The following EXOC3 variants were observed in gnomAD, a reference collection of about 807,000 sequenced individuals.
EXOC3 encodes the protein exocyst complex component 3.
Under a neutral mutation model 73.7 loss-of-function variants are expected in EXOC3, and 21 were observed. The ratio of observed to expected loss-of-function variants is 0.29; its 90% CI spans 0.20 to 0.41. EXOC3 has a LOEUF of 0.41. Ranked by LOEUF, EXOC3 falls within the 10% of genes least tolerant of loss-of-function variation. EXOC3 has a pLI of 1.00. For synonymous variants in EXOC3, 410 were observed against 389.1 expected, an observed-to-expected ratio of 1.05 and a Z score of -0.63; for missense variants, 842 against 985.1, an observed-to-expected ratio of 0.85 and a Z score of 1.95.
Position 466,915 on chromosome 5 carries a change from C to T in EXOC3, c.*17C>T, listed in dbSNP as rs1051152893. ...CTCAAGTAGCCTCCGCCGGCCTGCCCTGCTCGCCCCTCCACAGCCTCGGTC... is the reference window on the plus strand; with the variant it reads ...CTCAAGTAGCCTCCGCCGGCCTGCCTTGCTCGCCCCTCCACAGCCTCGGTC... On this transcript the variant is annotated 3_prime_UTR_variant, in exon 13 of 13. Coordinates refer to ENST00000512944, the MANE Select transcript of EXOC3 (RefSeq NM_007277.5). The T allele has an allele frequency of 3.2e-6, 5 of 1,578,248 alleles. No individual in the cohort carries two copies. Among genetic ancestry groups the T allele is most frequent in the Non-Finnish European group, 4.3e-6 (5 of 1,162,022 alleles).
At chr5:459,581 T>A in intron 7 of EXOC3, 122 bp downstream of exon 7, 1 of 556,838 alleles carries the variant, frequency 1.8e-6, no homozygotes. Flanking sequence ...ATTCCCCACG[T>A]GTCACTCCTG....
intron 3 of EXOC3, 53 bp downstream of exon 3, chr5:447,805 C>A: frequency 7.8e-7 from 1 of 1,281,808 alleles, no homozygotes. Flanking sequence ...CTTTGCATGA[C>A]TCACTGAGTG....
In EXOC3 at chr5:453,868, A is replaced by G; in HGVS notation, c.863A>G (p.Asp288Gly). ...GAAATTATAAGGAAGTACGTCCTGG[A>G]TGACCTCATTGTCGCCAAAAACCTG... ...HLEIIRKYVL[D>G]DLIVAKNLMV... Residue 288 changes from aspartate to glycine, a missense_variant, in exon 4 of 13, where the codon GAT becomes GGT. Physicochemically the swap from Asp to Gly is moderately conservative, Grantham distance 94. Transcript: ENST00000512944. 7.4e-6 allele frequency: 12 copies of G among 1,613,870 alleles called. No homozygotes were observed. Among genetic ancestry groups the G allele is most frequent in the Non-Finnish European group, 9.3e-6 (11 of 1,179,900 alleles).
At chr5:449,196 T>C (rs1263710342) in intron 3 of EXOC3, among the ~76,000 whole-genome samples, 1 of 152,250 alleles carries the variant, frequency 6.6e-6, no homozygotes, top group African/African-American at 2.4e-5. Flanking sequence ...TAAATTTTCA[T>C]TGAGAAGATT....
intron 3 of EXOC3, among the ~76,000 whole-genome samples, chr5:448,856 C>T (rs942447879): frequency 3.9e-5 from 6 of 152,234 alleles, no homozygotes; most frequent in African/African-American, 1.4e-4. Flanking sequence ...ACATGTGTGG[C>T]TGCAGTCCGT....
rs142760302 is a variant in EXOC3, at chr5:466,613, C to T, written c.2067-114C>T. ...AGGGAAAGGTGCAATTTGTCTGCAG[C>T]GGTCCTCACCCCCTGTGTTCTGTCA... On this transcript the variant is annotated intron_variant, in intron 12 of 12. Transcript: ENST00000512944. 982 of 969,614 alleles carry T rather than the reference C, an allele frequency of 1.0e-3. 14 individuals are homozygous for T. In the East Asian group the frequency reaches 0.024, roughly 23 times the overall value. 60.1% of individuals were successfully genotyped at this position (969,614 alleles called of 1,614,324 possible).
In EXOC3 at chr5:453,476, C is replaced by T. The variant is rs527540101; in HGVS notation, c.471C>T (p.Tyr157=). The part of the protein sequence containing the change: ...DLECSRDGLM[Y]EQYRMDSGNT... Reference sequence around the variant, plus strand: ...AGTGCTCCCGGGACGGGCTGATGTACGAGCAGTACCGCATGGACAGTGGGA... The same window carrying T: ...AGTGCTCCCGGGACGGGCTGATGTATGAGCAGTACCGCATGGACAGTGGGA... Residue 157 remains tyrosine, a synonymous_variant, in exon 4 of 13, where the codon TAC becomes TAT. Transcript: ENST00000512944. 8 of 1,613,734 alleles carry T rather than the reference C, an allele frequency of 5.0e-6. No individual in the cohort carries two copies. The highest frequency in any genetic ancestry group is 2.2e-5 in the South Asian group (2 of 91,038).
At chr5:462,115 C>T (rs1194155564) in intron 8 of EXOC3, 42 bp from the exon 9 acceptor site, 1 of 1,605,914 alleles carries the variant, frequency 6.2e-7, no homozygotes, top group South Asian at 1.1e-5. Context: ...TGGAGGCCGG[C>T]CTGCCCAGCC....
intron 3 of EXOC3, among the ~76,000 whole-genome samples, chr5:451,135 A>ATT (rs36111924): frequency 6.6e-6 from 1 of 151,780 alleles, no homozygotes; most frequent in Admixed American, 6.6e-5. Context: ...TTATTTCTGC[A>ATT]TTTTTTTTGT....
In EXOC3 at chr5:464,239, T is replaced by C. The variant is rs1370817528; in HGVS notation, c.1654-51T>C. 19 of 1,585,578 alleles carry C rather than the reference T, an allele frequency of 1.2e-5. No individual in the cohort carries two copies. The South Asian group carries it at 1.2e-4, about 10-fold the overall frequency. ...TGCCTCCCTCCCACATGCACTCGGC[T>C]CTCGTGGGACGTTGAGGTGATGATT... On this transcript the variant is annotated intron_variant, in intron 9 of 12. Transcript: ENST00000512944.
chr5:453,522 A>G lies in EXOC3; in HGVS notation c.517A>G (p.Ile173Val), dbSNP rs2126577802. The G allele has an allele frequency of 6.2e-7, 1 of 1,614,020 alleles. No individual in the cohort carries two copies. The highest frequency in any genetic ancestry group is 1.1e-5 in the South Asian group (1 of 91,084). The change falls in exon 4 of 13, where the codon ATC becomes GTC. Residue 173 changes from isoleucine to valine, a missense_variant. By Grantham distance (29) the Ile-to-Val change is conservative. Transcript: ENST00000512944. The part of the protein sequence containing the change: ...DSGNTRDMTL[I>V]HGYFGSTQGL... ...TGGGAACACGCGTGACATGACCCTC[A>G]TCCATGGCTACTTTGGCAGCACGCA...
In EXOC3 at chr5:453,632, G is replaced by T. The variant is rs993667479; in HGVS notation, c.627G>T (p.Leu209=). 1.9e-6 allele frequency: 3 copies of T among 1,613,882 alleles called. No homozygotes were observed. Among genetic ancestry groups the T allele is most frequent in the Non-Finnish European group, 2.5e-6 (3 of 1,179,910 alleles). ...CTGTCCGCCGTGACCCCACCTTGCT[G>T]GTCTCAGTTGTCAGGATCATTGAAA... ...LVTVRRDPTL[L]VSVVRIIERE... is the part of the protein sequence containing the mutation. The change falls in exon 4 of 13, where the codon CTG becomes CTT. Residue 209 remains leucine, a synonymous_variant. Transcript: ENST00000512944.
intron 5 of EXOC3, chr5:457,390 G>A (rs1010070186): frequency 3.7e-6 from 1 of 269,018 alleles, no homozygotes; most frequent in African/African-American, 2.2e-5. Context: ...ACCACCAGGT[G>A]GTCTCAGAGT....
intron 7 of EXOC3, chr5:461,703 G>A (rs1300983314): frequency 2.1e-6 from 1 of 476,776 alleles, no homozygotes; most frequent in African/African-American, 2.0e-5. Context: ...CTGGGCTCAG[G>A]TGGTCTCCCT....
At chr5:454,122 G>A (rs1579737623) in intron 4 of EXOC3, 71 bp downstream of exon 4, 8 of 1,323,464 alleles carry the variant, frequency 6.0e-6, no homozygotes, top group Non-Finnish European at 8.2e-6. Flanking sequence ...GCAGCTGCTT[G>A]CTGGAGAGCC....
At chr5:464,155 G>A (rs1015941453) in intron 9 of EXOC3, 135 bp from the exon 10 acceptor site, 1 of 778,650 alleles carries the variant, frequency 1.3e-6, no homozygotes, top group Non-Finnish European at 2.0e-6. Flanking sequence ...GCGTTGAGGT[G>A]AGGAAGTGCC....
Position 464,353 on chromosome 5 carries a change from T to C in EXOC3, c.1717T>C (p.Cys573Arg). 6.2e-7 allele frequency: 1 copy of C among 1,613,738 alleles called. No homozygotes were observed. The highest frequency in any genetic ancestry group is 8.5e-7 in the Non-Finnish European group (1 of 1,179,628). ...AGGGTCAAACGCTGTAGACATTATC[T>C]GTGTCACCGTGGAAGACTATTTCAA... ...LLGSNAVDIICVTVEDYFNDF... is the reference protein window; with the variant it reads ...LLGSNAVDIIRVTVEDYFNDF... The change falls in exon 10 of 13, where the codon TGT becomes CGT. Residue 573 changes from cysteine (C) to arginine (R), a missense_variant. Coordinates refer to ENST00000512944, the MANE Select transcript of EXOC3 (RefSeq NM_007277.5).
chr5:455,697 G>A (rs1025912124), intron 4 of EXOC3, among the ~76,000 whole-genome samples: 16 of 152,092 alleles, frequency 1.1e-4, no homozygotes, highest in African/African-American at 3.6e-4. Context: ...GGTGTATCCC[G>A]GCTTCACGCC....
intron 5 of EXOC3, chr5:457,692 G>T: frequency 1.9e-6 from 1 of 539,344 alleles, no homozygotes. Context: ...AAGGGTTCCA[G>T]TTAAACCCCT....
Sources: allele counts gnomAD v4.1 joint callset (sites outside exome capture counted in the v4.1 genomes callset), GRCh38; gene constraint gnomAD v4.1.1; transcripts MANE v1.5; gene names NCBI Gene and HGNC (gene_info 2026-07-23, HGNC 2026-07-21).